The following PLA2G6 variants were observed in gnomAD, a reference collection of about 807,000 sequenced individuals.
PLA2G6 encodes the protein phospholipase A2 group VI, also known as 85/88 kDa calcium-independent phospholipase A2.
Under a neutral mutation model 83.8 loss-of-function variants are expected in PLA2G6, and 62 were observed. The observed-to-expected ratio is 0.74, with a 90% CI of 0.60 to 0.91. The LOEUF (loss-of-function observed/expected upper bound fraction) is 0.91. Among genes scored for constraint, PLA2G6 ranks in the 40% least tolerant of loss-of-function variants. PLA2G6 has a pLI of 0.00. For synonymous variants in PLA2G6, 417 were observed against 449.8 expected (o/e 0.93, Z 0.92); for missense variants, 944 against 1,102.0 (o/e 0.86, Z 2.03).
Position 38,135,257 on chromosome 22 carries a change from G to A in PLA2G6, c.798-173C>T, listed in dbSNP as rs966024967. 1.4e-4 allele frequency: 86 copies of A among 620,444 alleles called. 1 individual carries two copies. The African/African-American group carries it at 1.4e-3, about 10-fold the overall frequency. The allele number at this position is 620,444 out of a possible 1,614,324, so 38.4% of individuals were successfully genotyped here. A position where few individuals can be genotyped will look rare whatever the true frequency, so the allele number is the denominator to read the frequency against. On this transcript the variant is annotated intron_variant, in intron 5 of 16. Coordinates refer to ENST00000332509, the MANE Select transcript of PLA2G6 (RefSeq NM_003560.4). ...TTAAGGCTGTACTGAGCCCCTCAAG[G>A]CACAACTAACCCCCTCCTCCAGGAA...
At chr22:38,169,091 T>A in intron 2 of PLA2G6, 127 bp downstream of exon 2, 1 of 768,880 alleles carries the variant, frequency 1.3e-6, no homozygotes, top group Non-Finnish European at 2.3e-6. Context: ...GTCTCCCCTC[T>A]CTCCCACCCC....
Position 38,132,528 on chromosome 22 carries a change from G to C in PLA2G6, c.1077+303C>G. Reference sequence around the variant, plus strand: ...TCGAGGCTGACAGGTGACATGGCTTGCTCAGGGCCAGTCTATGGCCAGAGC... The same window carrying C: ...TCGAGGCTGACAGGTGACATGGCTTCCTCAGGGCCAGTCTATGGCCAGAGC... On this transcript the variant is annotated intron_variant, in intron 7 of 16. Transcript: ENST00000332509. This position sits in a 1 kb window ranked among gnomAD's most constrained non-coding sequence, Gnocchi z 5.0. 1 of 512,638 alleles carries C rather than the reference G, an allele frequency of 2.0e-6. No homozygotes were observed. Among genetic ancestry groups the C allele is most frequent in the South Asian group, 2.3e-5 (1 of 43,252 alleles). 31.8% of individuals were successfully genotyped at this position (512,638 alleles called of 1,614,324 possible).
intron 9 of PLA2G6, chr22:38,126,929 C>T (rs879910151): frequency 1.9e-4 from 173 of 901,360 alleles, no homozygotes; most frequent in Middle Eastern, 1.6e-3. Flanking sequence ...GGACGTTCCT[C>T]GGGGTTTAAG....
At position 38,114,780 on chromosome 22, in the gene PLA2G6, G is replaced by T. The variant is rs537316514; in HGVS notation, c.2034+747C>A. The stretch of plus-strand genomic sequence containing the variant: ...TGCAGCTCAGGCTCCCGGCAGTGCT[G>T]TGAACATTTCACAGACAACAGCATG... On this transcript the variant is annotated intron_variant, in intron 14 of 16. Coordinates refer to ENST00000332509, the MANE Select transcript of PLA2G6 (RefSeq NM_003560.4). Among the ~76,000 whole-genome samples, 4 of 152,334 alleles carry T rather than the reference G, an allele frequency of 2.6e-5. No individual in the cohort carries two copies. The East Asian group carries it at 7.7e-4, about 29-fold the overall frequency.
rs1342092889 is a variant in PLA2G6 at position 38,128,462 on chromosome 22, C to T, written c.1187-32G>A. ...ATGGTTTGGGGAAGGGGAGATGGCA[C>T]AGGATCAGAAATGATGTCAACATGC... On this transcript the variant is annotated intron_variant, in intron 8 of 16. Coordinates refer to ENST00000332509, the MANE Select transcript of PLA2G6 (RefSeq NM_003560.4). This position sits in a 1 kb window ranked among gnomAD's most constrained non-coding sequence, Gnocchi z 4.4. The T allele has an allele frequency of 1.9e-6, 3 of 1,611,830 alleles. No homozygotes were observed. The highest frequency in any genetic ancestry group is 2.2e-5 in the East Asian group (1 of 44,846).
intron 5 of PLA2G6, 162 bp from the exon 6 acceptor site, chr22:38,135,246 AG>A (rs2088481171): frequency 1.6e-6 from 1 of 638,164 alleles, no homozygotes; most frequent in Non-Finnish European, 2.9e-6. Context: ...GGCTGTACTG[AG>A]CCCCTCAAGG....
intron 12 of PLA2G6, among the ~76,000 whole-genome samples, chr22:38,119,106 T>C (rs2087376785): frequency 6.6e-6 from 1 of 152,144 alleles, no homozygotes; most frequent in Non-Finnish European, 1.5e-5. Context: ...GGTCTATGCT[T>C]GTATCCACTT....
intron 11 of PLA2G6, among the ~76,000 whole-genome samples, chr22:38,121,348 C>T (rs915921873): frequency 3.9e-5 from 6 of 152,210 alleles, no homozygotes; most frequent in African/African-American, 1.4e-4. Context: ...TGCACTCCAG[C>T]CTGGGCAACG....
intron 4 of PLA2G6, chr22:38,141,850 C>T (rs1196370386): frequency 1.3e-5 from 2 of 152,068 alleles, no homozygotes; most frequent in Non-Finnish European, 2.9e-5. Flanking sequence ...TGGAGTTCAA[C>T]AGTGGGTGGA....
chr22:38,176,811 G>T (rs761671234), intron 1 of PLA2G6, among the ~76,000 whole-genome samples: 8 of 152,178 alleles, frequency 5.3e-5, no homozygotes, highest in Admixed American at 2.6e-4. Flanking sequence ...GGTGAGATGG[G>T]CAGATCACCT....
At chr22:38,135,122 AG>A (rs1225044930) in intron 5 of PLA2G6, 38 bp from the exon 6 acceptor site, 11 of 1,431,564 alleles carry the variant, frequency 7.7e-6, no homozygotes, top group Non-Finnish European at 8.9e-6. Context: ...AGCAGAAGCT[AG>A]GGTCTGCGTG....
At chr22:38,137,590 T>G (rs531263098) in intron 5 of PLA2G6, 2 of 152,298 alleles carry the variant, frequency 1.3e-5, no homozygotes, top group East Asian at 3.9e-4. Context: ...TCCCAGCATG[T>G]TGGGAGGGCG....
At position 38,128,078 on chromosome 22, in the gene PLA2G6, A is replaced by T; in HGVS notation, c.1348+191T>A. The T allele has an allele frequency of 1.6e-6, 1 of 613,890 alleles. No individual in the cohort carries two copies. The highest frequency in any genetic ancestry group is 2.9e-6 in the Non-Finnish European group (1 of 345,658). The allele number at this position is 613,890 out of a possible 1,614,324, so 38.0% of individuals were successfully genotyped here. A position where few individuals can be genotyped will look rare whatever the true frequency, so the allele number is the denominator to read the frequency against. ...CAGGGGCAACGGAGCATGGGACATC[A>T]GCCAGGGACACCCTAGGCCTCTGGG... On this transcript the variant is annotated intron_variant, in intron 9 of 16. Transcript: ENST00000332509. This position sits in a 1 kb window ranked among gnomAD's most constrained non-coding sequence, Gnocchi z 4.4.
intron 2 of PLA2G6, among the ~76,000 whole-genome samples, chr22:38,157,054 T>A (rs1345191708): frequency 6.6e-6 from 1 of 152,018 alleles, no homozygotes; most frequent in Non-Finnish European, 1.5e-5. Flanking sequence ...TCTAATGATG[T>A]CTCTTAAAGA....
chr22:38,112,176 C>T lies in PLA2G6; in HGVS notation c.2406G>A (p.Leu802=), dbSNP rs775266092. The T allele has an allele frequency of 6.3e-7, 1 of 1,587,538 alleles. No individual in the cohort carries two copies. Among genetic ancestry groups the T allele is most frequent in the Admixed American group, 1.8e-5 (1 of 55,746 alleles). The change falls in exon 17 of 17, where the codon CTG becomes CTA. Residue 802 remains leucine, a synonymous_variant. Coordinates refer to ENST00000332509, the MANE Select transcript of PLA2G6 (RefSeq NM_003560.4). ...CTGGGGACCCTCAGGGTGAGAGCAG[C>T]AGCTGGATGAGCTTCTGGAACTCCT... ...HREEFQKLIQ[L]LLSP
chr22:38,112,770 C>G, intron 15 of PLA2G6, 193 bp from the exon 16 acceptor site: 1 of 637,702 alleles, frequency 1.6e-6, no homozygotes, highest in Non-Finnish European at 2.8e-6. Flanking sequence ...CCCAGCTGTG[C>G]AATCAGAGGG....
intron 2 of PLA2G6, among the ~76,000 whole-genome samples, chr22:38,167,547 C>G (rs1464482481): frequency 6.6e-6 from 1 of 152,186 alleles, no homozygotes; most frequent in Non-Finnish European, 1.5e-5. Flanking sequence ...TCTGAAGCTA[C>G]AAGTGCAAGC....
At chr22:38,161,745 G>A (rs375364410) in intron 2 of PLA2G6, among the ~76,000 whole-genome samples, 29 of 152,220 alleles carry the variant, frequency 1.9e-4, no homozygotes, top group African/African-American at 6.0e-4. Context: ...TTTTCTCAGC[G>A]AGACAGCAGC....
At chr22:38,119,896 T>C (rs1359538149) in intron 12 of PLA2G6, among the ~76,000 whole-genome samples, 5 of 151,562 alleles carry the variant, frequency 3.3e-5, no homozygotes, top group South Asian at 2.1e-4. Context: ...ATTAAGAACA[T>C]GGGCCACCAA....
Sources: allele counts gnomAD v4.1 joint callset (sites outside exome capture counted in the v4.1 genomes callset), GRCh38; gene constraint gnomAD v4.1.1; non-coding constraint Gnocchi (gnomAD v3.1); transcripts MANE v1.5; gene names NCBI Gene and HGNC (gene_info 2026-07-23, HGNC 2026-07-21).